Variants in GPHN observed in about 807,000 individuals in gnomAD.
The protein encoded by GPHN is gephyrin.
A neutral mutation model predicts 95.5 loss-of-function variants in GPHN; 17 were observed. The ratio of observed to expected loss-of-function variants is 0.18; its 90% CI spans 0.12 to 0.27. GPHN has a LOEUF of 0.27. Ranked by LOEUF, GPHN falls within the 10% of genes least tolerant of loss-of-function variation. The pLI, the probability that GPHN is intolerant of heterozygous loss-of-function variation, is 1.00. For missense variants in GPHN, 660 were observed against 978.1 expected (o/e 0.67, Z 4.34); for synonymous variants, 320 against 322.5 (o/e 0.99, Z 0.08).
chr14:67,520,068 G>A, the GPHN span, among the ~76,000 whole-genome samples: 1 of 152,134 alleles, frequency 6.6e-6, no homozygotes. Flanking sequence ...GCAAAATTGA[G>A]AAGAAAGTAC....
intron 1 of GPHN, among the ~76,000 whole-genome samples, chr14:66,671,125 A>G (rs1689391772): frequency 6.6e-6 from 1 of 152,182 alleles, no homozygotes. Context: ...ATCCTTGCAA[A>G]TGTCTTTTCA....
chr14:67,099,515 T>A (rs2077577814), intron 12 of GPHN, among the ~76,000 whole-genome samples: 1 of 150,418 alleles, frequency 6.6e-6, no homozygotes, highest in South Asian at 2.1e-4. Context: ...TAATACTTTT[T>A]ACAAGTAAAA....
chr14:67,451,216 A>C, the GPHN span, among the ~76,000 whole-genome samples: 79 of 152,360 alleles, frequency 5.2e-4, no homozygotes, highest in Non-Finnish European at 9.0e-4. Context: ...AGTTTTCTGC[A>C]GGGGCGGGGC....
At chr14:66,728,963 AG>A (rs1274699935) in intron 2 of GPHN, among the ~76,000 whole-genome samples, 2 of 152,136 alleles carry the variant, frequency 1.3e-5, no homozygotes, top group Non-Finnish European at 2.9e-5. Context: ...ATATTGTGGG[AG>A]GAACCTGGTG....
At chr14:67,685,143 G>A in the GPHN span, 2 of 1,614,184 alleles carry the variant, frequency 1.2e-6, no homozygotes, top group Non-Finnish European at 1.7e-6. Context: ...TGAAAGATGA[G>A]TGCCGAACCA....
the GPHN span, among the ~76,000 whole-genome samples, chr14:67,238,264 GCTTT>G: frequency 5.9e-5 from 8 of 135,688 alleles, no homozygotes; most frequent in African/African-American, 1.8e-4. Flanking sequence ...TCTCTTTCTT[GCTTT>G]CTTTTTTTTT....
intron 1 of GPHN, among the ~76,000 whole-genome samples, chr14:66,659,756 A>T (rs1368382203): frequency 6.6e-6 from 1 of 151,890 alleles, no homozygotes; most frequent in Non-Finnish European, 1.5e-5. Flanking sequence ...TCTTATGTCT[A>T]CTTGGTAGAT....
intron 9 of GPHN, among the ~76,000 whole-genome samples, chr14:67,018,142 TC>T (rs2073413036): frequency 6.6e-6 from 1 of 152,072 alleles, no homozygotes; most frequent in African/African-American, 2.4e-5. Context: ...CTTCTATAAG[TC>T]CTATATTAGA....
the GPHN span, among the ~76,000 whole-genome samples, chr14:67,237,414 A>C: frequency 6.6e-6 from 1 of 152,166 alleles, no homozygotes; most frequent in Admixed American, 6.5e-5. Flanking sequence ...GGGAATAATA[A>C]ATCTTGAAAA....
chr14:67,545,789 A>G, the GPHN span, among the ~76,000 whole-genome samples: 1 of 152,246 alleles, frequency 6.6e-6, no homozygotes, highest in Non-Finnish European at 1.5e-5. Context: ...TGAATAAAAA[A>G]CATCTGAAGG....
the GPHN span, among the ~76,000 whole-genome samples, chr14:67,428,176 C>T: frequency 6.6e-6 from 1 of 152,172 alleles, no homozygotes; most frequent in Non-Finnish European, 1.5e-5. Context: ...GCCTCAGCCT[C>T]CCAAAGTGCT....
At chr14:67,089,153 T>TTTTTTTTTTTTTTTTTTTTTTTTA in intron 12 of GPHN, 78 bp downstream of exon 12, 1 of 498,256 alleles carries the variant, frequency 2.0e-6, no homozygotes. Context: ...TTTTTTTTTT[T>TTTTTTTTTTTTTTTTTTTTTTTTA]TTTTTCAAAT....
intron 4 of GPHN, among the ~76,000 whole-genome samples, chr14:66,841,909 C>G (rs903126678): frequency 5.3e-5 from 8 of 151,960 alleles, no homozygotes; most frequent in African/African-American, 1.9e-4. Context: ...AGAAAAAAGC[C>G]AGACCTGGTG....
the GPHN span, chr14:67,657,308 GC>G: frequency 1.3e-5 from 2 of 152,138 alleles, no homozygotes; most frequent in African/African-American, 2.4e-5. Flanking sequence ...CTCTTGGTGA[GC>G]CCCAGAAAGA....
intron 1 of GPHN, among the ~76,000 whole-genome samples, chr14:66,606,410 T>C (rs1297402379): frequency 6.6e-6 from 1 of 152,138 alleles, no homozygotes; most frequent in Non-Finnish European, 1.5e-5. Flanking sequence ...TAGTATAGTT[T>C]GAAGTCAGGT....
At chr14:67,011,313 G>A (rs779685382) in intron 9 of GPHN, among the ~76,000 whole-genome samples, 42 of 151,672 alleles carry the variant, frequency 2.8e-4, no homozygotes, top group African/African-American at 8.2e-4. Context: ...TGGCTTATGC[G>A]TGTAATCCCA....
intron 4 of GPHN, among the ~76,000 whole-genome samples, chr14:66,875,417 T>C (rs189231147): frequency 5.3e-4 from 80 of 152,012 alleles, no homozygotes; most frequent in Non-Finnish European, 8.8e-4. Context: ...ATGTTAACCT[T>C]AAATGTAAAT....
the GPHN span, chr14:67,587,371 C>T: frequency 1.0e-5 from 10 of 1,000,076 alleles, no homozygotes; most frequent in African/African-American, 1.1e-4. Context: ...ATTTTAGTCT[C>T]TGTGAAGCCT....
the GPHN span, among the ~76,000 whole-genome samples, chr14:67,312,895 T>C: frequency 6.6e-6 from 1 of 152,202 alleles, no homozygotes; most frequent in Non-Finnish European, 1.5e-5. Flanking sequence ...GGCCAATTCT[T>C]TGGCCTTTAG....
Sources: allele counts gnomAD v4.1 joint callset (sites outside exome capture counted in the v4.1 genomes callset), GRCh38; gene constraint gnomAD v4.1.1; transcripts MANE v1.5; gene names NCBI Gene and HGNC (gene_info 2026-07-23, HGNC 2026-07-21).